The following AP3S1 variants were observed in gnomAD, a reference collection of about 807,000 sequenced individuals.
AP3S1 encodes the protein AP-3 complex subunit sigma-1.
Under a neutral mutation model 21.3 loss-of-function variants are expected in AP3S1, and 12 were observed. The ratio of observed to expected loss-of-function variants is 0.56; its 90% CI spans 0.36 to 0.91. AP3S1 has a LOEUF of 0.91. Ranked by LOEUF, AP3S1 falls within the 40% of genes least tolerant of loss-of-function variation. The probability of loss-of-function intolerance (pLI) is 0.01; values close to 1 mark genes in which losing one functional copy is unlikely to be tolerated. For missense variants in AP3S1, 116 were observed against 225.0 expected, an observed-to-expected ratio of 0.52 and a Z score of 3.10; for synonymous variants, 48 against 78.4, an observed-to-expected ratio of 0.61 and a Z score of 2.05.
intron 5 of AP3S1, among the ~76,000 whole-genome samples, chr5:115,911,531 A>G (rs1415343373): frequency 1.3e-5 from 2 of 152,066 alleles, no homozygotes; most frequent in African/African-American, 2.4e-5. Flanking sequence ...AAATCCTCCT[A>G]TCTAAAAAAT....
chr5:115,853,302 G>A (rs1224830283), intron 1 of AP3S1, among the ~76,000 whole-genome samples: 1 of 151,946 alleles, frequency 6.6e-6, no homozygotes, highest in African/African-American at 2.4e-5. Flanking sequence ...CAAATCCTTT[G>A]CCTGTTTTTA....
Position 115,902,869 on chromosome 5 carries a change from C to A in AP3S1, c.346-16C>A, listed in dbSNP as rs920791367. On this transcript the variant is annotated splice_polypyrimidine_tract_variant and intron_variant, in intron 4 of 5. Coordinates refer to ENST00000316788, the MANE Select transcript of AP3S1 (RefSeq NM_001284.4). ...TGAATTTTCTTTATGGGTATATATT[C>A]TTTTATTCCCTTTAGGTTCACAATA... The A allele has an allele frequency of 5.9e-6, 4 of 675,152 alleles. No individual in the cohort carries two copies. The highest frequency in any genetic ancestry group is 3.4e-5 in the East Asian group (1 of 29,684). The allele number at this position is 675,152 out of a possible 1,614,324, so 41.8% of individuals were successfully genotyped here. A position where few individuals can be genotyped will look rare whatever the true frequency, so the allele number is the denominator to read the frequency against.
At chr5:115,894,028 G>A (rs6882704) in intron 3 of AP3S1, among the ~76,000 whole-genome samples, 33,222 of 151,966 alleles carry the variant, frequency 0.22, 4,184 homozygotes, top group African/African-American at 0.33. Flanking sequence ...GAGATCATCA[G>A]GATCATCTCA....
rs1474736596 is a variant in AP3S1, at chr5:115,913,946, CTTAGT to C, written c.*460_*464del. ...CATGAAAACATTATGACTTTTTTCTCTTAGTTTAAATAAACTCCAAGGTAACTGGA... is the reference window on the plus strand; with the variant it reads ...CATGAAAACATTATGACTTTTTTCTCTTAAATAAACTCCAAGGTAACTGGA... On this transcript the variant is annotated 3_prime_UTR_variant, in exon 6 of 6. Transcript: ENST00000316788. The C allele has an allele frequency of 6.6e-6, 1 of 152,606 alleles. No homozygotes were observed. Among genetic ancestry groups the C allele is most frequent in the Non-Finnish European group, 1.5e-5 (1 of 68,048 alleles). 9.5% of individuals were successfully genotyped at this position (152,606 alleles called of 1,614,324 possible).
chr5:115,875,126 A>G (rs1748587150), intron 3 of AP3S1, among the ~76,000 whole-genome samples: 1 of 152,184 alleles, frequency 6.6e-6, no homozygotes, highest in Non-Finnish European at 1.5e-5. Flanking sequence ...TTAGTACACA[A>G]ACTGAAGTAA....
intron 4 of AP3S1, among the ~76,000 whole-genome samples, chr5:115,897,223 A>G (rs921765334): frequency 2.0e-5 from 3 of 152,226 alleles, no homozygotes; most frequent in Admixed American, 6.5e-5. Flanking sequence ...AAAACAATAA[A>G]GATGGGATCA....
intron 1 of AP3S1, among the ~76,000 whole-genome samples, chr5:115,861,617 T>A (rs899805975): frequency 1.3e-5 from 2 of 152,042 alleles, no homozygotes; most frequent in African/African-American, 4.8e-5. Flanking sequence ...TGTGGTGGCA[T>A]GATCTTGGCT....
intron 5 of AP3S1, 43 bp from the exon 6 acceptor site, chr5:115,913,319 G>A (rs758870743): frequency 1.1e-5 from 13 of 1,150,936 alleles, no homozygotes; most frequent in Non-Finnish European, 1.4e-5. Flanking sequence ...AGCTACACCT[G>A]AGTTGTACAT....
chr5:115,896,154 C>T (rs530463588), intron 4 of AP3S1, among the ~76,000 whole-genome samples: 1 of 152,270 alleles, frequency 6.6e-6, no homozygotes, highest in South Asian at 2.1e-4. Flanking sequence ...TAAAAGTCAA[C>T]AGTTTTAAGC....
intron 1 of AP3S1, among the ~76,000 whole-genome samples, chr5:115,865,778 T>C (rs1387166972): frequency 1.3e-5 from 2 of 152,106 alleles, no homozygotes; most frequent in South Asian, 2.1e-4. Flanking sequence ...CAGTCTTCTA[T>C]TGCAGTGTTT....
chr5:115,844,458 C>T (rs967784860), intron 1 of AP3S1, among the ~76,000 whole-genome samples: 4 of 152,122 alleles, frequency 2.6e-5, no homozygotes, highest in Admixed American at 6.5e-5. Context: ...GGCATTTGAG[C>T]AAAGACTTGA....
intron 5 of AP3S1, among the ~76,000 whole-genome samples, chr5:115,904,289 A>G (rs1240336051): frequency 6.6e-6 from 1 of 152,216 alleles, no homozygotes; most frequent in Non-Finnish European, 1.5e-5. Context: ...ACTGGCATTA[A>G]TTTACAACAG....
intron 4 of AP3S1, chr5:115,898,630 A>G (rs1218239129): frequency 6.6e-6 from 1 of 152,196 alleles, no homozygotes; most frequent in East Asian, 1.9e-4. Context: ...GGTCTTAGGT[A>G]GTCTGAACTT....
rs1580589427 is a variant in AP3S1, at chr5:115,842,242, G to C, written c.69+136G>C. 12 of 1,324,426 alleles carry C rather than the reference G, an allele frequency of 9.1e-6. No homozygotes were observed. The East Asian group carries it at 3.3e-4, about 37-fold the overall frequency. The allele number at this position is 1,324,426 out of a possible 1,614,324, so 82.0% of individuals were successfully genotyped here. On this transcript the variant is annotated intron_variant, in intron 1 of 5. Transcript: ENST00000316788. ...CGTCCCGGCCGCCTGGCGCTCGCCA[G>C]CTGTCAGCCTCCTGGTGGGTGTGGA... is the stretch of plus-strand genomic sequence containing the variant.
At chr5:115,903,661 A>G (rs1165662566) in intron 5 of AP3S1, 1 of 152,182 alleles carries the variant, frequency 6.6e-6, no homozygotes, top group African/African-American at 2.4e-5. Context: ...TCAACCTTAG[A>G]TGGGATAAAT....
At chr5:115,883,015 C>T (rs954910607) in intron 3 of AP3S1, among the ~76,000 whole-genome samples, 4 of 152,168 alleles carry the variant, frequency 2.6e-5, no homozygotes, top group African/African-American at 9.7e-5. Flanking sequence ...GGTAAACCGC[C>T]TACTCAAGTC....
intron 1 of AP3S1, among the ~76,000 whole-genome samples, chr5:115,862,654 A>G (rs1346710472): frequency 6.6e-6 from 1 of 152,212 alleles, no homozygotes; most frequent in Non-Finnish European, 1.5e-5. Flanking sequence ...AATCTGCTTA[A>G]AATGCTGTGT....
intron 1 of AP3S1, among the ~76,000 whole-genome samples, chr5:115,857,056 G>T (rs1412371502): frequency 6.6e-6 from 1 of 152,158 alleles, no homozygotes; most frequent in Non-Finnish European, 1.5e-5. Flanking sequence ...ATTCCAAGTG[G>T]CAGCAGTTGA....
chr5:115,901,553 C>CTT (rs1375375319), intron 4 of AP3S1, among the ~76,000 whole-genome samples: 2 of 140,876 alleles, frequency 1.4e-5, no homozygotes, highest in South Asian at 2.3e-4. Flanking sequence ...ATAATGATGA[C>CTT]TTTTTTTTTT....
Sources: gnomAD v4.1 joint callset for allele counts (sites outside exome capture counted in the v4.1 genomes callset) on GRCh38, gnomAD v4.1.1 for gene constraint, MANE v1.5 for transcripts, NCBI Gene and HGNC (gene_info 2026-07-23, HGNC 2026-07-21) for gene names.